The following ANKRD2 variants were observed in gnomAD, a reference collection of about 807,000 sequenced individuals.
ANKRD2 encodes the protein ankyrin repeat domain 2, also known as ankyrin repeat domain-containing protein 2.
Under a neutral mutation model 37.3 loss-of-function variants are expected in ANKRD2, and 35 were observed. The ratio of observed to expected loss-of-function variants is 0.94; its 90% CI spans 0.72 to 1.24. The LOEUF is 1.24. Ranked by LOEUF, ANKRD2 falls within the 50% of genes most tolerant of loss-of-function variation. The pLI is 0.00. For synonymous variants in ANKRD2, 159 were observed against 186.5 expected (o/e 0.85, Z 1.20); for missense variants, 410 against 445.6 (o/e 0.92, Z 0.72).
chr10:97,576,825 T>C (rs571540524), intron 1 of ANKRD2, among the ~76,000 whole-genome samples: 2 of 152,058 alleles, frequency 1.3e-5, no homozygotes, highest in South Asian at 2.1e-4. Flanking sequence ...GCCTCCCAAG[T>C]AGCTGGGACT....
At chr10:97,583,364 A>C (rs1408403310) in intron 8 of ANKRD2, among the ~76,000 whole-genome samples, 1 of 152,158 alleles carries the variant, frequency 6.6e-6, no homozygotes, top group Non-Finnish European at 1.5e-5. Flanking sequence ...TATGCCTTGT[A>C]GGATATTTAA....
chr10:97,578,655 C>A, intron 4 of ANKRD2, 50 bp downstream of exon 4: 1 of 1,412,342 alleles, frequency 7.1e-7, no homozygotes, highest in Non-Finnish European at 9.7e-7. Flanking sequence ...TTGCCACCCC[C>A]ACTCCGTTCG....
In ANKRD2 at chr10:97,578,374, G is replaced by A. The variant is rs144862089; in HGVS notation, c.324G>A (p.Glu108=). ...KKRDALAASH[E]PPPEPEEITG... is the part of the protein sequence containing the mutation. ...GGGACGCTCTGGCCGCCTCGCATGA[G>A]CCGCCCCCAGAGCCCGAGGAGATCG... The change falls in exon 3 of 9, where the codon GAG becomes GAA. Residue 108 remains glutamate, a synonymous_variant. Coordinates refer to ENST00000370655, the MANE Select transcript of ANKRD2 (RefSeq NM_001346793.2). 14 of 1,613,688 alleles carry A rather than the reference G, an allele frequency of 8.7e-6. No homozygotes were observed. The highest frequency in any genetic ancestry group is 1.2e-5 in the Non-Finnish European group (14 of 1,179,914).
At chr10:97,576,679 T>TATTC (rs1354139911) in intron 1 of ANKRD2, among the ~76,000 whole-genome samples, 1 of 134,232 alleles carries the variant, frequency 7.4e-6, no homozygotes, top group African/African-American at 3.3e-5. Flanking sequence ...TTTATTTATT[T>TATTC]ATTTATTTAT....
chr10:97,575,836 A>G (rs2040819949), intron 1 of ANKRD2, among the ~76,000 whole-genome samples: 1 of 150,348 alleles, frequency 6.7e-6, no homozygotes, highest in African/African-American at 2.5e-5. Flanking sequence ...GCTTGAACCT[A>G]GGAAGTGGAG....
intron 1 of ANKRD2, among the ~76,000 whole-genome samples, chr10:97,574,508 G>A (rs754919086): frequency 2.0e-5 from 3 of 152,232 alleles, no homozygotes; most frequent in Non-Finnish European, 2.9e-5. Context: ...TATTTATTCT[G>A]TGGGCAGTGA....
rs367694142 is a variant in ANKRD2, at chr10:97,582,282, G to A, written c.655-33G>A. 4.7e-5 allele frequency: 72 copies of A among 1,541,506 alleles called. 1 individual carries two copies. Among genetic ancestry groups the A allele is most frequent in the East Asian group, 3.9e-4 (16 of 40,872 alleles). ...CCAGGGGTACCACAGTTCAGGCCCC[G>A]TCAACTAGCAGTTCCTGATTCCTCC... On this transcript the variant is annotated intron_variant, in intron 6 of 8. Transcript: ENST00000370655.
At position 97,580,818 on chromosome 10, in the gene ANKRD2, G is replaced by A. The variant is rs1371757249; in HGVS notation, c.457-37G>A. On this transcript the variant is annotated intron_variant, in intron 4 of 8. Transcript: ENST00000370655. The stretch of plus-strand genomic sequence containing the variant: ...GGTGGGAGATGGGCTCAGGCCTGGA[G>A]CCAGAGGCCAGGCCCTGACAGCCTC... 17 of 1,524,238 alleles carry A rather than the reference G, an allele frequency of 1.1e-5. No individual in the cohort carries two copies. The East Asian group carries it at 3.9e-4, about 35-fold the overall frequency. The allele number at this position is 1,524,238 out of a possible 1,614,324, so 94.4% of individuals were successfully genotyped here. A position where few individuals can be genotyped will look rare whatever the true frequency, so the allele number is the denominator to read the frequency against.
intron 2 of ANKRD2, 71 bp from the exon 3 acceptor site, chr10:97,578,165 AGCTT>A: frequency 3.4e-5 from 9 of 261,782 alleles, no homozygotes; most frequent in East Asian, 9.3e-5. Context: ...CCTCCCCACC[AGCTT>A]AGCTCAGAGG....
chr10:97,578,144 G>GCCCCCCC, intron 2 of ANKRD2, 96 bp from the exon 3 acceptor site: 4 of 685,436 alleles, frequency 5.8e-6, no homozygotes, highest in Non-Finnish European at 1.0e-5. Flanking sequence ...GGGTCTTCCT[G>GCCCCCCC]CCCACCCCAC....
intron 1 of ANKRD2, among the ~76,000 whole-genome samples, chr10:97,574,282 CAAA>C (rs34161831): frequency 3.6e-5 from 5 of 138,838 alleles, no homozygotes; most frequent in Non-Finnish European, 3.1e-5. Flanking sequence ...GACTCCGTCT[CAAA>C]AAAAAAAAAA....
At position 97,578,354 on chromosome 10, in the gene ANKRD2, G is replaced by A; in HGVS notation, c.304G>A (p.Ala102Thr). Residue 102 changes from alanine to threonine, a missense_variant, in exon 3 of 9, where the codon GCT (alanine) becomes ACT (threonine). Ala to Thr is a moderately conservative substitution (Grantham distance 58). Coordinates refer to ENST00000370655, the MANE Select transcript of ANKRD2 (RefSeq NM_001346793.2). ...RKKRKQKKRDALAASHEPPPE... is the reference protein window; with the variant it reads ...RKKRKQKKRDTLAASHEPPPE... Reference sequence around the variant, plus strand: ...GAAACGCAAGCAGAAGAAGCGGGACGCTCTGGCCGCCTCGCATGAGCCGCC... The same window carrying A: ...GAAACGCAAGCAGAAGAAGCGGGACACTCTGGCCGCCTCGCATGAGCCGCC... 1.9e-6 allele frequency: 3 copies of A among 1,613,730 alleles called. No homozygotes were observed. The highest frequency in any genetic ancestry group is 2.5e-6 in the Non-Finnish European group (3 of 1,179,954).
At position 97,578,306 on chromosome 10, in the gene ANKRD2, C is replaced by G; in HGVS notation, c.256C>G (p.Gln86Glu). The G allele has an allele frequency of 6.2e-7, 1 of 1,613,218 alleles. No individual in the cohort carries two copies. The highest frequency in any genetic ancestry group is 1.1e-5 in the South Asian group (1 of 91,082). ...RREIIDVGGI[Q>E]NLIELRKKRK... is the part of the protein sequence containing the mutation. ...GGAGATCATCGATGTGGGCGGGATCCAGAACCTCATCGAGCTGCGGAAGAA... is the reference window on the plus strand; with the variant it reads ...GGAGATCATCGATGTGGGCGGGATCGAGAACCTCATCGAGCTGCGGAAGAA... The change falls in exon 3 of 9, where the codon CAG (glutamine) becomes GAG (glutamate). Residue 86 changes from glutamine (Q) to glutamate (E), a missense_variant. Physicochemically the swap from Gln to Glu is conservative, Grantham distance 29. Transcript: ENST00000370655.
At position 97,582,651 on chromosome 10, in the gene ANKRD2, A is replaced by C; in HGVS notation, c.801A>C (p.Lys267Asn). Residue 267 changes from lysine to asparagine, a missense_variant, in exon 8 of 9, where the codon AAA (lysine) becomes AAC (asparagine). Transcript: ENST00000370655. Reference protein sequence around the residue: ...LHDAVRLNRYKIIKLLLLHGA... With the variant: ...LHDAVRLNRYNIIKLLLLHGA... The stretch of plus-strand genomic sequence containing the variant: ...ACGCTGTGAGGCTCAACCGCTACAA[A>C]ATCATCAAACTGCTGCTCCTGCATG... 2.5e-6 allele frequency: 4 copies of C among 1,614,084 alleles called. No homozygotes were observed. In the South Asian group the frequency reaches 4.4e-5, roughly 18 times the overall value.
rs779446689 is a variant in ANKRD2 at position 97,578,341 on chromosome 10, G to A, written c.291G>A (p.Gln97=). The A allele has an allele frequency of 4.3e-6, 7 of 1,613,618 alleles. No individual in the cohort carries two copies. The South Asian group carries it at 7.7e-5, about 18-fold the overall frequency. Residue 97 remains glutamine, a synonymous_variant, in exon 3 of 9, where the codon CAG becomes CAA. Coordinates refer to ENST00000370655, the MANE Select transcript of ANKRD2 (RefSeq NM_001346793.2). ...TCGAGCTGCGGAAGAAACGCAAGCA[G>A]AAGAAGCGGGACGCTCTGGCCGCCT... The part of the protein sequence containing the change: ...NLIELRKKRK[Q]KKRDALAASH...
At position 97,580,892 on chromosome 10, in the gene ANKRD2, G is replaced by C. The variant is rs754091964; in HGVS notation, c.494G>C (p.Gly165Ala). ...RTALHRASLEGHMEILEKLLD... is the reference protein window; with the variant it reads ...RTALHRASLEAHMEILEKLLD... ...GCACTGCACCGAGCTTCCCTGGAAG[G>C]CCACATGGAAATCCTGGAGAAGCTT... Residue 165 changes from glycine to alanine, a missense_variant, in exon 5 of 9, where the codon GGC (glycine) becomes GCC (alanine). By Grantham distance (60) the Gly-to-Ala change is moderately conservative (BLOSUM62 0). Coordinates refer to ENST00000370655, the MANE Select transcript of ANKRD2 (RefSeq NM_001346793.2). The C allele has an allele frequency of 1.9e-6, 3 of 1,611,268 alleles. No individual in the cohort carries two copies. Among genetic ancestry groups the C allele is most frequent in the African/African-American group, 1.3e-5 (1 of 75,008 alleles).
In ANKRD2 at chr10:97,578,270, G is replaced by T. The variant is rs1222646121; in HGVS notation, c.220G>T (p.Asp74Tyr). 6.2e-7 allele frequency: 1 copy of T among 1,612,902 alleles called. No individual in the cohort carries two copies. Reference sequence around the variant, plus strand: ...AGAGCGCGTGCGCAAGACGTCCCTGGACCTGCGGCGGGAGATCATCGATGT... The same window carrying T: ...AGAGCGCGTGCGCAAGACGTCCCTGTACCTGCGGCGGGAGATCATCGATGT... Reference protein sequence around the residue: ...GQERVRKTSLDLRREIIDVGG... With the variant: ...GQERVRKTSLYLRREIIDVGG... The change falls in exon 3 of 9, where the codon GAC becomes TAC. Residue 74 changes from aspartate (D) to tyrosine (Y), a missense_variant. Asp to Tyr is a radical substitution (Grantham distance 160). Transcript: ENST00000370655.
At chr10:97,575,601 C>G (rs1208976703) in intron 1 of ANKRD2, among the ~76,000 whole-genome samples, 2 of 152,120 alleles carry the variant, frequency 1.3e-5, no homozygotes, top group African/African-American at 4.8e-5. Flanking sequence ...AACCTCTCAT[C>G]TATGTGACAA....
rs749768287 is a variant in ANKRD2, at chr10:97,578,249, C to T, written c.199C>T (p.Arg67Cys). 1.2e-5 allele frequency: 19 copies of T among 1,611,768 alleles called. No individual in the cohort carries two copies. The Admixed American group carries it at 2.8e-4, about 24-fold the overall frequency. Residue 67 changes from arginine to cysteine, a missense_variant, in exon 3 of 9, where the codon CGC (arginine) becomes TGC (cysteine). Arg to Cys is a radical substitution (Grantham distance 180, BLOSUM62 -3). Coordinates refer to ENST00000370655, the MANE Select transcript of ANKRD2 (RefSeq NM_001346793.2). The part of the protein sequence containing the change: ...AALQKVKGQE[R>C]VRKTSLDLRR... The stretch of plus-strand genomic sequence containing the variant: ...GGGCCATCCCGCGCAGGGCCAAGAG[C>T]GCGTGCGCAAGACGTCCCTGGACCT...
Sources: allele counts gnomAD v4.1 joint callset (sites outside exome capture counted in the v4.1 genomes callset), GRCh38; gene constraint gnomAD v4.1.1; transcripts MANE v1.5; gene names NCBI Gene and HGNC (gene_info 2026-07-23, HGNC 2026-07-21).